Variants in PIGL observed in about 807,000 individuals in gnomAD.
PIGL encodes the protein phosphatidylinositol glycan anchor biosynthesis class L.
In PIGL, 22 loss-of-function variants were observed where a neutral mutation model predicts 31.1. The observed-to-expected ratio is 0.71, with a 90% CI of 0.51 to 1.01. The LOEUF is 1.01. Among genes scored for constraint, PIGL ranks in the 50% least tolerant of loss-of-function variants. The pLI, the probability that PIGL is intolerant of heterozygous loss-of-function variation, is 0.00. For synonymous variants in PIGL, 131 were observed against 117.4 expected (o/e 1.12, Z -0.75); for missense variants, 302 against 315.9 (o/e 0.96, Z 0.33).
rs62072552 is a variant in PIGL, at chr17:16,245,327, G to C, written c.335+11257G>C. On this transcript the variant is annotated intron_variant, in intron 2 of 6. Transcript: ENST00000225609. ...TTTTTAGTAGAGACGGGATTTTGCC[G>C]TGTTGGCCAGGCTGGTCTTGAAGTC... 3.3e-5 allele frequency among the ~76,000 whole-genome samples: 5 copies of C among 151,464 alleles called. No homozygotes were observed. The East Asian group carries it at 9.8e-4, about 30-fold the overall frequency.
At chr17:16,219,839 A>G (rs901516274) in intron 1 of PIGL, among the ~76,000 whole-genome samples, 3 of 152,042 alleles carry the variant, frequency 2.0e-5, no homozygotes, top group Non-Finnish European at 4.4e-5. Context: ...CTGGGATTAC[A>G]GGTGTGAGCC....
At position 16,299,027 on chromosome 17, in the gene PIGL, G is replaced by A. The variant is rs557450233; in HGVS notation, c.336-861G>A. On this transcript the variant is annotated intron_variant, in intron 2 of 6. Coordinates refer to ENST00000225609, the MANE Select transcript of PIGL (RefSeq NM_004278.4). ...GGGTGACAGAGCGAGACTCTGACTC[G>A]GGAAAAATACATAAATAAATAAATA... Among the ~76,000 whole-genome samples, 179 of 148,772 alleles carry A rather than the reference G, an allele frequency of 1.2e-3. 1 individual carries two copies. The highest frequency in any genetic ancestry group is 4.2e-3 in the African/African-American group (170 of 40,448).
intron 6 of PIGL, among the ~76,000 whole-genome samples, chr17:16,322,628 G>A (rs1307558518): frequency 1.3e-5 from 2 of 151,936 alleles, no homozygotes; most frequent in Non-Finnish European, 2.9e-5. Flanking sequence ...AACATGTGTC[G>A]ATCTTCATTA....
rs1246738571 is a variant in PIGL at position 16,313,563 on chromosome 17, C to T, written c.443C>T (p.Ala148Val). 1.2e-6 allele frequency: 2 copies of T among 1,613,678 alleles called. No homozygotes were observed. The highest frequency in any genetic ancestry group is 2.2e-5 in the East Asian group (1 of 44,878). Residue 148 changes from alanine to valine, a missense_variant, in exon 4 of 7, where the codon GCA (alanine) becomes GTA (valine). Ala to Val is a moderately conservative substitution (Grantham distance 64, BLOSUM62 0). Coordinates refer to ENST00000225609, the MANE Select transcript of PIGL (RefSeq NM_004278.4). ...NGINLVVTFDAGGVSGHSNHI... is the reference protein window; with the variant it reads ...NGINLVVTFDVGGVSGHSNHI... ...TCTCTACAGGTGGTGACTTTCGATG[C>T]AGGGGGAGTAAGTGGCCACAGCAAT...
chr17:16,246,186 C>T (rs141525778), intron 2 of PIGL, among the ~76,000 whole-genome samples: 3 of 151,724 alleles, frequency 2.0e-5, no homozygotes, highest in East Asian at 3.9e-4. Context: ...CTCCCCTACT[C>T]GTGAAATGCT....
At chr17:16,218,951 A>C (rs1317577831) in intron 1 of PIGL, among the ~76,000 whole-genome samples, 1 of 151,832 alleles carries the variant, frequency 6.6e-6, no homozygotes, top group African/African-American at 2.4e-5. Flanking sequence ...AGTGCTTGGG[A>C]TTACAAGTGT....
intron 2 of PIGL, among the ~76,000 whole-genome samples, chr17:16,267,887 A>C (rs2092851869): frequency 6.6e-6 from 1 of 152,130 alleles, no homozygotes; most frequent in Non-Finnish European, 1.5e-5. Flanking sequence ...AAGGTGTCCC[A>C]GGCTCTCCTG....
rs147462196 is a variant in PIGL at position 16,287,817 on chromosome 17, G to T, written c.336-12071G>T. Among the ~76,000 whole-genome samples the T allele has an allele frequency of 6.9e-4, 105 of 152,324 alleles. No homozygotes were observed. The East Asian group carries it at 0.02, about 29-fold the overall frequency. On this transcript the variant is annotated intron_variant, in intron 2 of 6. Coordinates refer to ENST00000225609, the MANE Select transcript of PIGL (RefSeq NM_004278.4). ...ATAAGCCACAATTCAGGAAGTTAGA[G>T]AAATTGCTCCCTGGTGCAGAGCAAC... is the stretch of plus-strand genomic sequence containing the variant.
intron 1 of PIGL, among the ~76,000 whole-genome samples, chr17:16,231,004 C>G (rs1315739775): frequency 3.3e-5 from 5 of 150,848 alleles, no homozygotes; most frequent in Admixed American, 3.3e-4. Flanking sequence ...TTAAAACTTC[C>G]CGGGTTGGAG....
At chr17:16,308,305 C>T (rs937548637) in intron 3 of PIGL, among the ~76,000 whole-genome samples, 6 of 151,724 alleles carry the variant, frequency 4.0e-5, no homozygotes, top group Non-Finnish European at 7.4e-5. Flanking sequence ...GCACTCCAGT[C>T]TGGGTGACAG....
At chr17:16,291,245 C>T (rs1244125775) in intron 2 of PIGL, among the ~76,000 whole-genome samples, 2 of 152,088 alleles carry the variant, frequency 1.3e-5, no homozygotes, top group African/African-American at 4.8e-5. Flanking sequence ...TGGTGGCTCG[C>T]GCCTGTAATC....
chr17:16,279,572 C>A (rs2092908545), intron 2 of PIGL: 1 of 152,148 alleles, frequency 6.6e-6, no homozygotes, highest in South Asian at 2.1e-4. Context: ...ATTATACTTC[C>A]CAAGAGAAGA....
intron 2 of PIGL, among the ~76,000 whole-genome samples, chr17:16,271,723 G>T (rs2092873747): frequency 6.6e-6 from 1 of 151,870 alleles, no homozygotes; most frequent in African/African-American, 2.4e-5. Flanking sequence ...GTAGAGATGG[G>T]GTTTCACCAT....
chr17:16,272,424 C>A (rs1236477483), intron 2 of PIGL, among the ~76,000 whole-genome samples: 1 of 152,152 alleles, frequency 6.6e-6, no homozygotes, highest in African/African-American at 2.4e-5. Flanking sequence ...TATTTGGGTT[C>A]TTTCCATATT....
chr17:16,315,801 C>T (rs946321782), intron 4 of PIGL, among the ~76,000 whole-genome samples: 50 of 147,584 alleles, frequency 3.4e-4, no homozygotes, highest in African/African-American at 1.1e-3. Context: ...CTGCAGCCTC[C>T]GCCTCCTGCC....
At chr17:16,325,371 G>C (rs2093123324) in intron 6 of PIGL, among the ~76,000 whole-genome samples, 1 of 142,176 alleles carries the variant, frequency 7.0e-6, no homozygotes, top group African/African-American at 2.6e-5. Context: ...GTGGACTCTA[G>C]AATCAATCAG....
At chr17:16,315,347 C>T (rs1176795494) in intron 4 of PIGL, among the ~76,000 whole-genome samples, 3 of 152,238 alleles carry the variant, frequency 2.0e-5, no homozygotes, top group African/African-American at 7.2e-5. Context: ...CTTGAACCTT[C>T]TGTGGCATCT....
intron 1 of PIGL, among the ~76,000 whole-genome samples, chr17:16,228,038 T>C (rs2092660208): frequency 1.3e-5 from 2 of 151,278 alleles, no homozygotes; most frequent in South Asian, 4.2e-4. Flanking sequence ...AACAAGAACT[T>C]ACCATTTTAA....
In PIGL at chr17:16,298,896, C is replaced by T. The variant is rs1034465546; in HGVS notation, c.336-992C>T. On this transcript the variant is annotated intron_variant, in intron 2 of 6. Coordinates refer to ENST00000225609, the MANE Select transcript of PIGL (RefSeq NM_004278.4). ...TACAAAAATTAGCTGGGTGTGGTGGCGGGTGCCTGTAATCCCAGCTACTTG... is the reference window on the plus strand; with the variant it reads ...TACAAAAATTAGCTGGGTGTGGTGGTGGGTGCCTGTAATCCCAGCTACTTG... Among the ~76,000 whole-genome samples the T allele has an allele frequency of 8.6e-5, 13 of 151,580 alleles. No homozygotes were observed. In the East Asian group the frequency reaches 9.8e-4, roughly 11 times the overall value.
Sources: gnomAD v4.1 joint callset for allele counts (sites outside exome capture counted in the v4.1 genomes callset) on GRCh38, gnomAD v4.1.1 for gene constraint, MANE v1.5 for transcripts, NCBI Gene and HGNC (gene_info 2026-07-23, HGNC 2026-07-21) for gene names.